Variants in EHMT1 observed in about 807,000 individuals in gnomAD.
EHMT1 encodes the protein histone-lysine N-methyltransferase EHMT1.
In EHMT1, 15 loss-of-function variants were observed where a neutral mutation model predicts 147.2. That is an observed-to-expected ratio of 0.10 (90% CI 0.07 to 0.16). The LOEUF is 0.16. Among genes scored for constraint, EHMT1 ranks in the 10% least tolerant of loss-of-function variants. The pLI, the probability that EHMT1 is intolerant of heterozygous loss-of-function variation, is 1.00. For missense variants in EHMT1, 1,587 were observed against 1,772.4 expected (o/e 0.90, Z 1.88); for synonymous variants, 795 against 709.6 (o/e 1.12, Z -1.91).
At chr9:137,678,775 A>G (rs536410623) in intron 1 of EHMT1, among the ~76,000 whole-genome samples, 7 of 124,162 alleles carry the variant, frequency 5.6e-5, no homozygotes, top group East Asian at 2.6e-4. Context: ...TGATCTGTCT[A>G]TCTGACGAGG....
intron 1 of EHMT1, among the ~76,000 whole-genome samples, chr9:137,690,604 G>A (rs980501949): frequency 4.6e-5 from 7 of 151,310 alleles, no homozygotes; most frequent in African/African-American, 1.7e-4. Flanking sequence ...GAGTCTTGCT[G>A]TGTCGCCCAG....
intron 15 of EHMT1, chr9:137,788,154 T>G (rs1040340258): frequency 5.5e-6 from 5 of 911,732 alleles, no homozygotes; most frequent in South Asian, 3.9e-5. Flanking sequence ...GGTCACTGCC[T>G]TCTCCCCACT....
At chr9:137,778,660 G>GT (rs1372975250) in intron 13 of EHMT1, among the ~76,000 whole-genome samples, 1 of 152,056 alleles carries the variant, frequency 6.6e-6, no homozygotes, top group African/African-American at 2.4e-5. Flanking sequence ...ACCCCAGACT[G>GT]TTCCTGACCC....
At chr9:137,728,821 T>A (rs749095050) in intron 4 of EHMT1, among the ~76,000 whole-genome samples, 2 of 152,192 alleles carry the variant, frequency 1.3e-5, no homozygotes, top group Non-Finnish European at 2.9e-5. Context: ...GAGAAGACCC[T>A]GGAGTTGGAA....
At chr9:137,783,761 T>A (rs1013216157) in intron 15 of EHMT1, among the ~76,000 whole-genome samples, 2 of 152,240 alleles carry the variant, frequency 1.3e-5, no homozygotes, top group African/African-American at 4.8e-5. Context: ...GCGCACCGTC[T>A]GCTGTGCCCA....
chr9:137,669,335 TGGACCCCACACCACCCAAGACGCTCCCA>T, intron 1 of EHMT1, among the ~76,000 whole-genome samples: 2 of 29,008 alleles, frequency 6.9e-5, no homozygotes, highest in Admixed American at 3.3e-4. Flanking sequence ...CCACAGCACG[TGGACCCCACACCACCCAAGACGCTCCCA>T]CAGCACGTGC....
At chr9:137,755,124 A>C (rs183365879) in intron 8 of EHMT1, among the ~76,000 whole-genome samples, 1 of 152,266 alleles carries the variant, frequency 6.6e-6, no homozygotes, top group Admixed American at 6.5e-5. Flanking sequence ...TAAATTACAC[A>C]ATTTGACAAG....
At chr9:137,744,613 C>T (rs753374925) in intron 6 of EHMT1, among the ~76,000 whole-genome samples, 1 of 152,260 alleles carries the variant, frequency 6.6e-6, no homozygotes, top group Non-Finnish European at 1.5e-5. Flanking sequence ...CCACGGCGCC[C>T]GCCCTCTTGA....
At chr9:137,768,580 T>C (rs11137216) in intron 10 of EHMT1, among the ~76,000 whole-genome samples, 28,698 of 103,692 alleles carry the variant, frequency 0.28, 4,691 homozygotes, top group Admixed American at 0.37. Flanking sequence ...GACGGAGTCT[T>C]GCTCTGTCGC....
At chr9:137,675,973 CG>C (rs1280641197) in intron 1 of EHMT1, 7 of 150,742 alleles carry the variant, frequency 4.6e-5, no homozygotes, top group Non-Finnish European at 8.9e-5. Flanking sequence ...TTAGTAGAGA[CG>C]GGGTTTCACC....
At chr9:137,834,023 T>G (rs1008236818) in intron 25 of EHMT1, 13 of 414,652 alleles carry the variant, frequency 3.1e-5, no homozygotes, top group Non-Finnish European at 1.8e-5. Flanking sequence ...GCCCCATGGG[T>G]CCTCGGGTGG....
rs779311539 is a variant in EHMT1, at chr9:137,717,067, C to T, written c.527C>T (p.Pro176Leu). ...TTTCCCCAGACGCCAGCCGCCCCACCAGCCACCCTTGGGGAGGGGAGTGCT... is the reference window on the plus strand; with the variant it reads ...TTTCCCCAGACGCCAGCCGCCCCACTAGCCACCCTTGGGGAGGGGAGTGCT... ...SAFPQTPAAP[P>L]ATLGEGSADT... is the part of the protein sequence containing the mutation. The change falls in exon 3 of 27, where the codon CCA becomes CTA. Residue 176 changes from proline (P) to leucine (L), a missense_variant. Around this residue, in one of 7 missense-constraint regions of EHMT1, gnomAD observed 810 missense variants for 673.0 expected, o/e 1.20. Coordinates refer to ENST00000460843, the MANE Select transcript of EHMT1 (RefSeq NM_024757.5). The T allele has an allele frequency of 1.9e-6, 3 of 1,607,736 alleles. No homozygotes were observed. The highest frequency in any genetic ancestry group is 2.2e-5 in the East Asian group (1 of 44,752).
chr9:137,769,973 A>C (rs1333719170), intron 10 of EHMT1, among the ~76,000 whole-genome samples: 1 of 152,124 alleles, frequency 6.6e-6, no homozygotes, highest in African/African-American at 2.4e-5. Flanking sequence ...AATAGCTGGG[A>C]CTATACACTT....
At chr9:137,654,806 A>G (rs1938259564) in intron 1 of EHMT1, among the ~76,000 whole-genome samples, 1 of 152,144 alleles carries the variant, frequency 6.6e-6, no homozygotes, top group African/African-American at 2.4e-5. Flanking sequence ...TGAACAGGGA[A>G]GTGAACAGTG....
At chr9:137,753,336 T>C (rs1403549571) in intron 7 of EHMT1, among the ~76,000 whole-genome samples, 2 of 152,044 alleles carry the variant, frequency 1.3e-5, no homozygotes. Context: ...TGTCTTTGGG[T>C]GGCAGAGGGG....
At chr9:137,689,674 G>C (rs548824952) in intron 1 of EHMT1, among the ~76,000 whole-genome samples, 1 of 152,354 alleles carries the variant, frequency 6.6e-6, no homozygotes, top group South Asian at 2.1e-4. Flanking sequence ...CTGCACTCCA[G>C]TCTGGGTGAC....
At chr9:137,667,054 G>A (rs1939743748) in intron 1 of EHMT1, 1 of 152,174 alleles carries the variant, frequency 6.6e-6, no homozygotes, top group Non-Finnish European at 1.5e-5. Flanking sequence ...GAGGACGAGG[G>A]AACAATAGGG....
chr9:137,785,755 C>T (rs1365966191), intron 15 of EHMT1: 1 of 152,214 alleles, frequency 6.6e-6, no homozygotes, highest in Admixed American at 6.5e-5. Flanking sequence ...AACAAATCAT[C>T]CTACTCTGGC....
intron 1 of EHMT1, among the ~76,000 whole-genome samples, chr9:137,641,860 T>C (rs1844514172): frequency 6.6e-6 from 1 of 151,928 alleles, no homozygotes; most frequent in Admixed American, 6.6e-5. Context: ...AGTCTCGCTC[T>C]GTCACCCAGG....
Sources: allele counts gnomAD v4.1 joint callset (sites outside exome capture counted in the v4.1 genomes callset), GRCh38; gene constraint gnomAD v4.1.1; regional missense constraint gnomAD v4.1.1; transcripts MANE v1.5; gene names NCBI Gene and HGNC (gene_info 2026-07-23, HGNC 2026-07-21).